Variants in EYA1 observed in about 807,000 individuals in gnomAD.
EYA1 encodes the protein protein phosphatase EYA1.
EYA1 carries 16 observed loss-of-function variants against 82.0 expected under a neutral mutation model. That is an observed-to-expected ratio of 0.20 (90% CI 0.13 to 0.30). The LOEUF is 0.30. Among genes scored for constraint, EYA1 ranks in the 10% least tolerant of loss-of-function variants. The pLI is 1.00. For synonymous variants in EYA1, 261 were observed against 264.4 expected (o/e 0.99, Z 0.12); for missense variants, 633 against 730.7 (o/e 0.87, Z 1.54).
intron 2 of EYA1, among the ~76,000 whole-genome samples, chr8:71,445,020 T>TCC (rs1376609263): frequency 6.6e-6 from 1 of 152,226 alleles, no homozygotes; most frequent in Admixed American, 6.5e-5. Flanking sequence ...AAAAACTCTC[T>TCC]GAGTTTTCAC....
chr8:71,221,152 C>T (rs370559142), intron 12 of EYA1, among the ~76,000 whole-genome samples: 10 of 152,250 alleles, frequency 6.6e-5, no homozygotes, highest in East Asian at 1.9e-4. Context: ...CCTGGTCCAC[C>T]GCTTGTCCTT....
At chr8:71,230,448 C>T (rs1034207930) in intron 12 of EYA1, among the ~76,000 whole-genome samples, 1 of 152,198 alleles carries the variant, frequency 6.6e-6, no homozygotes, top group Non-Finnish European at 1.5e-5. Context: ...GAAAGGAAGA[C>T]ACTCTGTTAT....
intron 2 of EYA1, among the ~76,000 whole-genome samples, chr8:71,469,183 C>T (rs1046968023): frequency 6.6e-6 from 1 of 151,828 alleles, no homozygotes; most frequent in Non-Finnish European, 1.5e-5. Context: ...AAAATCTGTC[C>T]TCAAGTTGCT....
At chr8:71,486,425 C>T (rs369278770) in intron 2 of EYA1, among the ~76,000 whole-genome samples, 3 of 152,224 alleles carry the variant, frequency 2.0e-5, no homozygotes, top group Admixed American at 6.5e-5. Context: ...GATTAGGAAG[C>T]TTCTGCTTCT....
intron 17 of EYA1, among the ~76,000 whole-genome samples, chr8:71,207,212 T>G (rs1807901446): frequency 6.6e-6 from 1 of 152,220 alleles, no homozygotes; most frequent in Non-Finnish European, 1.5e-5. Context: ...GGTTAAATAT[T>G]AAGTATTCTC....
At chr8:71,378,074 A>G (rs16937611) in intron 2 of EYA1, among the ~76,000 whole-genome samples, 9,827 of 152,156 alleles carry the variant, frequency 0.065, 1,076 homozygotes, top group African/African-American at 0.23. Flanking sequence ...ACATGCTTCA[A>G]TAACCACAGA....
At chr8:71,448,879 G>T in intron 2 of EYA1, 1 of 169,836 alleles carries the variant, frequency 5.9e-6, no homozygotes. Flanking sequence ...AGGAGAACTG[G>T]GTTCATAAAA....
chr8:71,331,685 CTCTT>C (rs1050414741), intron 4 of EYA1, among the ~76,000 whole-genome samples: 1 of 152,018 alleles, frequency 6.6e-6, no homozygotes, highest in Non-Finnish European at 1.5e-5. Flanking sequence ...GAAAATATGA[CTCTT>C]TCATAACTTG....
At chr8:71,416,815 C>T (rs1465279793) in intron 2 of EYA1, among the ~76,000 whole-genome samples, 1 of 152,148 alleles carries the variant, frequency 6.6e-6, no homozygotes, top group African/African-American at 2.4e-5. Context: ...AAAACACTAG[C>T]TAGAAATATG....
At chr8:71,303,313 T>TAC (rs72096099) in intron 7 of EYA1, among the ~76,000 whole-genome samples, 31,604 of 102,356 alleles carry the variant, frequency 0.31, 7,225 homozygotes, top group East Asian at 0.69. Flanking sequence ...GTACATTTGA[T>TAC]ATACACACAC....
chr8:71,526,087 G>A (rs1813795929), intron 2 of EYA1, among the ~76,000 whole-genome samples: 1 of 152,078 alleles, frequency 6.6e-6, no homozygotes. Context: ...CACTTATTGT[G>A]TGAAGAATTA....
At chr8:71,368,783 G>A (rs911929216) in intron 2 of EYA1, among the ~76,000 whole-genome samples, 1 of 151,970 alleles carries the variant, frequency 6.6e-6, no homozygotes, top group Non-Finnish European at 1.5e-5. Context: ...CTATCAAACA[G>A]GAGGGACCAC....
At chr8:71,488,219 T>C (rs529229710) in intron 2 of EYA1, among the ~76,000 whole-genome samples, 1 of 151,414 alleles carries the variant, frequency 6.6e-6, no homozygotes, top group South Asian at 2.1e-4. Flanking sequence ...TATACATCAA[T>C]GATATAAAGG....
At chr8:71,413,283 C>T (rs908469825) in intron 2 of EYA1, among the ~76,000 whole-genome samples, 3 of 152,190 alleles carry the variant, frequency 2.0e-5, no homozygotes, top group Admixed American at 6.5e-5. Context: ...AGCAGCCTGC[C>T]TCCCTAACAG....
intron 2 of EYA1, chr8:71,535,669 G>C (rs1586904795): frequency 1.9e-6 from 2 of 1,053,372 alleles, no homozygotes; most frequent in Non-Finnish European, 2.7e-6. Flanking sequence ...CCAGATACTC[G>C]GGTTACAATA....
intron 2 of EYA1, among the ~76,000 whole-genome samples, chr8:71,472,494 T>C (rs550808785): frequency 6.6e-6 from 1 of 152,208 alleles, no homozygotes; most frequent in Admixed American, 6.6e-5. Context: ...ATTCATTAAT[T>C]ATTACAGATA....
chr8:71,346,614 A>T (rs1343557129), intron 3 of EYA1, among the ~76,000 whole-genome samples: 1 of 151,808 alleles, frequency 6.6e-6, no homozygotes, highest in Admixed American at 6.6e-5. Context: ...AAGTTGCTTT[A>T]TCACTATTAA....
At chr8:71,286,804 T>C (rs1466982072) in intron 9 of EYA1, among the ~76,000 whole-genome samples, 2 of 99,298 alleles carry the variant, frequency 2.0e-5, no homozygotes, top group Non-Finnish European at 3.8e-5. Context: ...GTAGTTTTTT[T>C]TTTTTTTTTT....
At chr8:71,294,291 C>G (rs970462765) in intron 9 of EYA1, among the ~76,000 whole-genome samples, 1 of 152,040 alleles carries the variant, frequency 6.6e-6, no homozygotes, top group Non-Finnish European at 1.5e-5. Context: ...AACCCCGTCT[C>G]TACTAAAAAT....
Sources: gnomAD v4.1 joint callset for allele counts (sites outside exome capture counted in the v4.1 genomes callset) on GRCh38, gnomAD v4.1.1 for gene constraint, MANE v1.5 for transcripts, NCBI Gene and HGNC (gene_info 2026-07-23, HGNC 2026-07-21) for gene names.